MELK: variants seen among roughly 807,000 people sequenced by gnomAD.
MELK encodes pEg3 kinase.
In MELK, 81 loss-of-function variants were observed where a neutral mutation model predicts 85.0. The observed-to-expected ratio is 0.95, with a 90% CI of 0.80 to 1.15. The LOEUF is 1.15. MELK is among the 50% of genes most tolerant of loss of function. The pLI, the probability that MELK is intolerant of heterozygous loss-of-function variation, is 0.00. For missense variants in MELK, 754 were observed against 777.5 expected, an observed-to-expected ratio of 0.97 and a Z score of 0.36; for synonymous variants, 252 against 265.0, an observed-to-expected ratio of 0.95 and a Z score of 0.48.
chr9:36,668,520 T>C (rs1041993843), intron 14 of MELK, among the ~76,000 whole-genome samples: 4 of 150,002 alleles, frequency 2.7e-5, no homozygotes, highest in Admixed American at 6.6e-5. Flanking sequence ...CTTACATCTC[T>C]TTTTTTTTCC....
In MELK at chr9:36,615,823, T is replaced by C. The variant is rs371277029; in HGVS notation, c.666+8150T>C. Among the ~76,000 whole-genome samples, 88 of 146,994 alleles carry C rather than the reference T, an allele frequency of 6.0e-4. No individual in the cohort carries two copies. In the East Asian group the frequency reaches 0.013, roughly 22 times the overall value. The stretch of plus-strand genomic sequence containing the variant: ...GCGGCTGGGAAGAGGCGCTCCTCAC[T>C]TCCTAGATGGGATGGCGGCCGGGCG... On this transcript the variant is annotated intron_variant, in intron 8 of 17. Coordinates refer to ENST00000298048, the MANE Select transcript of MELK (RefSeq NM_014791.4).
chr9:36,596,331 C>T (rs1824233345), intron 5 of MELK, among the ~76,000 whole-genome samples: 1 of 152,066 alleles, frequency 6.6e-6, no homozygotes, highest in East Asian at 1.9e-4. Context: ...TCTCCGCTCA[C>T]TGCAAGTTCT....
chr9:36,643,020 C>T lies in MELK; in HGVS notation c.858C>T (p.Cys286=), dbSNP rs374946247. 7.2e-5 allele frequency: 116 copies of T among 1,610,296 alleles called. No individual in the cohort carries two copies. Among genetic ancestry groups the T allele is most frequent in the Admixed American group, 1.9e-4 (11 of 59,354 alleles). ...KNPFIHLDDD[C]VTELSVHHRN... ...AGTTTATTCACCTCGATGATGATTG[C>T]GTAACAGAACTTTCTGTACATCACA... Residue 286 remains cysteine (C), a synonymous_variant, in exon 11 of 18, where the codon TGC becomes TGT. Transcript: ENST00000298048.
At chr9:36,619,148 A>G (rs1322174975) in intron 8 of MELK, among the ~76,000 whole-genome samples, 2 of 152,032 alleles carry the variant, frequency 1.3e-5, no homozygotes, top group African/African-American at 2.4e-5. Context: ...TAGTAGAGAC[A>G]GTGTTTCACC....
intron 14 of MELK, among the ~76,000 whole-genome samples, chr9:36,665,821 C>T (rs1253722014): frequency 1.3e-5 from 2 of 152,108 alleles, no homozygotes; most frequent in Non-Finnish European, 2.9e-5. Flanking sequence ...TCATAGCATC[C>T]TAGGATATCA....
At chr9:36,665,103 G>A (rs1832208744) in intron 13 of MELK, among the ~76,000 whole-genome samples, 1 of 151,998 alleles carries the variant, frequency 6.6e-6, no homozygotes, top group African/African-American at 2.4e-5. Context: ...TATTGCCTAG[G>A]ATCTGAGTAT....
rs187399329 is a variant in MELK at position 36,618,942 on chromosome 9, A to C, written c.666+11269A>C. Among the ~76,000 whole-genome samples, 324 of 151,670 alleles carry C rather than the reference A, an allele frequency of 2.1e-3. 1 individual carries two copies. Among genetic ancestry groups the C allele is most frequent in the African/African-American group, 7.2e-3 (300 of 41,422 alleles). ...GAAGACCGCCAGTCAAGAATGAGTGAATGGTCAACTCTAAGTATTTTTTTT... is the reference window on the plus strand; with the variant it reads ...GAAGACCGCCAGTCAAGAATGAGTGCATGGTCAACTCTAAGTATTTTTTTT... On this transcript the variant is annotated intron_variant, in intron 8 of 17. Transcript: ENST00000298048.
At chr9:36,593,672 G>T (rs997078829) in intron 4 of MELK, among the ~76,000 whole-genome samples, 5 of 152,014 alleles carry the variant, frequency 3.3e-5, no homozygotes, top group South Asian at 2.1e-4. Flanking sequence ...TACGTTTTTT[G>T]TTGTTGTTGT....
chr9:36,661,826 A>T (rs1831846792), intron 13 of MELK, among the ~76,000 whole-genome samples: 2 of 151,886 alleles, frequency 1.3e-5, no homozygotes, highest in South Asian at 2.1e-4. Flanking sequence ...AGTCCCAGTT[A>T]CTTGGGAGGC....
intron 11 of MELK, among the ~76,000 whole-genome samples, chr9:36,643,823 A>G (rs1829983837): frequency 1.3e-5 from 2 of 151,984 alleles, no homozygotes; most frequent in East Asian, 1.9e-4. Flanking sequence ...AGTCTCAGCT[A>G]CTTGGGAGGC....
intron 8 of MELK, among the ~76,000 whole-genome samples, chr9:36,612,824 C>G (rs1039293609): frequency 1.3e-5 from 2 of 152,120 alleles, no homozygotes; most frequent in African/African-American, 2.4e-5. Context: ...TTTTACTTTT[C>G]TTGGGGAGAG....
intron 8 of MELK, among the ~76,000 whole-genome samples, chr9:36,612,036 G>C (rs1826112164): frequency 6.6e-6 from 1 of 151,962 alleles, no homozygotes; most frequent in South Asian, 2.1e-4. Flanking sequence ...CTCCCAAAGT[G>C]CTGGGATTAT....
At position 36,599,375 on chromosome 9, in the gene MELK, ATTTTTATC is replaced by A. The variant is rs763597879; in HGVS notation, c.475-16_475-9del. On this transcript the variant is annotated splice_polypyrimidine_tract_variant and intron_variant, in intron 6 of 17. Coordinates refer to ENST00000298048, the MANE Select transcript of MELK (RefSeq NM_014791.4). ...TTAAGCGTTGTAATTAATAAGTTTC[ATTTTTATC>A]TTATTGGCAGGGTAACAAGGATTAC... 3 of 1,540,206 alleles carry A rather than the reference ATTTTTATC, an allele frequency of 1.9e-6. No homozygotes were observed. The highest frequency in any genetic ancestry group is 2.7e-6 in the Non-Finnish European group (3 of 1,121,152).
intron 1 of MELK, among the ~76,000 whole-genome samples, chr9:36,573,567 G>T (rs1445440177): frequency 1.3e-5 from 2 of 152,048 alleles, no homozygotes; most frequent in Non-Finnish European, 2.9e-5. Flanking sequence ...GTGCAATGGC[G>T]CGATCTCGGC....
chr9:36,655,918 T>C (rs1315008554), intron 12 of MELK, among the ~76,000 whole-genome samples: 1 of 152,138 alleles, frequency 6.6e-6, no homozygotes, highest in Non-Finnish European at 1.5e-5. Context: ...GTCCTTGATC[T>C]AGGATAGTGG....
In MELK at chr9:36,588,205, C is replaced by T. The variant is rs141704994; in HGVS notation, c.145-1331C>T. Among the ~76,000 whole-genome samples, 1,281 of 149,074 alleles carry T rather than the reference C, an allele frequency of 8.6e-3. 34 individuals carry two copies. Among genetic ancestry groups the T allele is most frequent in the African/African-American group, 0.03 (1,189 of 39,950 alleles). On this transcript the variant is annotated intron_variant, in intron 3 of 17. Coordinates refer to ENST00000298048, the MANE Select transcript of MELK (RefSeq NM_014791.4). Reference sequence around the variant, plus strand: ...CAGAGTAGCTGGGATTACAGACATGCGCCACCATGCCCGGCTAATTTTGTA... The same window carrying T: ...CAGAGTAGCTGGGATTACAGACATGTGCCACCATGCCCGGCTAATTTTGTA...
At chr9:36,620,303 A>G (rs189434352) in intron 8 of MELK, among the ~76,000 whole-genome samples, 27 of 152,144 alleles carry the variant, frequency 1.8e-4, no homozygotes, top group African/African-American at 5.8e-4. Flanking sequence ...ATCTTTTCTG[A>G]TTTACTAAGG....
At chr9:36,669,962 C>A (rs1832744108) in intron 15 of MELK, among the ~76,000 whole-genome samples, 2 of 152,086 alleles carry the variant, frequency 1.3e-5, no homozygotes, top group Admixed American at 1.3e-4. Flanking sequence ...CTGAGGAGAT[C>A]AGGAATAAAA....
At chr9:36,587,919 G>A (rs968431822) in intron 3 of MELK, among the ~76,000 whole-genome samples, 3 of 151,804 alleles carry the variant, frequency 2.0e-5, no homozygotes, top group Non-Finnish European at 2.9e-5. Context: ...CCGCCACCAT[G>A]CCTGGCTAAT....
Sources: allele counts gnomAD v4.1 joint callset (sites outside exome capture counted in the v4.1 genomes callset), GRCh38; gene constraint gnomAD v4.1.1; transcripts MANE v1.5; gene names NCBI Gene and HGNC (gene_info 2026-07-23, HGNC 2026-07-21).